Variants in CELF4 observed in about 807,000 individuals in gnomAD.
CELF4 encodes the protein CUG-BP- and ETR-3-like factor 4.
In CELF4, 18 loss-of-function variants were observed where a neutral mutation model predicts 59.9. The observed-to-expected ratio is 0.30, with a 90% CI of 0.21 to 0.45. The LOEUF (loss-of-function observed/expected upper bound fraction) is 0.45. CELF4 is among the 20% of genes least tolerant of loss of function. The pLI, the probability that CELF4 is intolerant of heterozygous loss-of-function variation, is 1.00. For synonymous variants in CELF4, 261 were observed against 267.1 expected, an observed-to-expected ratio of 0.98 and a Z score of 0.22; for missense variants, 456 against 689.0, an observed-to-expected ratio of 0.66 and a Z score of 3.79.
intron 3 of CELF4, among the ~76,000 whole-genome samples, chr18:37,289,486 G>A (rs973773185): frequency 2.6e-5 from 4 of 152,174 alleles, no homozygotes; most frequent in African/African-American, 9.7e-5. Flanking sequence ...GGAGCAGGTG[G>A]TCTGGGAGTG....
intron 2 of CELF4, among the ~76,000 whole-genome samples, chr18:37,346,628 G>C (rs962837326): frequency 6.6e-6 from 1 of 152,194 alleles, no homozygotes; most frequent in Non-Finnish European, 1.5e-5. Context: ...AGAAAGGGGT[G>C]CCCAGTTAAA....
At chr18:37,274,540 C>G in intron 5 of CELF4, 86 bp from the exon 6 acceptor site, 1 of 1,598,760 alleles carries the variant, frequency 6.3e-7, no homozygotes, top group Non-Finnish European at 8.5e-7. Flanking sequence ...CCCACCCCGC[C>G]CGCTCCTCGG....
chr18:37,346,198 G>A (rs941580466), intron 2 of CELF4, among the ~76,000 whole-genome samples: 5 of 152,264 alleles, frequency 3.3e-5, no homozygotes, highest in Middle Eastern at 3.4e-3. Flanking sequence ...CCTCCAACTG[G>A]CCTGCCCCAA....
chr18:37,534,509 T>G (rs535422774), intron 1 of CELF4, among the ~76,000 whole-genome samples: 2 of 152,296 alleles, frequency 1.3e-5, no homozygotes, highest in African/African-American at 4.8e-5. Context: ...CATTAACATC[T>G]GCTCCAAGCA....
rs115703057 is a variant in CELF4 at position 37,414,038 on chromosome 18, C to T, written c.369+71487G>A. The stretch of plus-strand genomic sequence containing the variant: ...GATCACCATCATCCTGTTCTAAGCA[C>T]TCTCAGTGTCAAGTCATTGACACTT... On this transcript the variant is annotated intron_variant, in intron 2 of 12. Transcript: ENST00000420428. Among the ~76,000 whole-genome samples, 812 of 152,340 alleles carry T rather than the reference C, an allele frequency of 5.3e-3. 9 individuals are homozygous for T. Among genetic ancestry groups the T allele is most frequent in the African/African-American group, 0.019 (774 of 41,578 alleles).
Position 37,510,914 on chromosome 18 carries a change from C to T in CELF4, c.287-25307G>A, listed in dbSNP as rs1187267455. Among the ~76,000 whole-genome samples, 5 of 152,306 alleles carry T rather than the reference C, an allele frequency of 3.3e-5. No individual in the cohort carries two copies. In the East Asian group the frequency reaches 7.7e-4, roughly 24 times the overall value. On this transcript the variant is annotated intron_variant, in intron 1 of 12. Coordinates refer to ENST00000420428, the MANE Select transcript of CELF4 (RefSeq NM_020180.4). ...GGTGGCCTTCTGGAGGCAGCTCTGCCTTCCTGGGTGGTCTGTTTTCTGTTC... is the reference window on the plus strand; with the variant it reads ...GGTGGCCTTCTGGAGGCAGCTCTGCTTTCCTGGGTGGTCTGTTTTCTGTTC...
At chr18:37,460,509 T>C (rs972173536) in intron 2 of CELF4, among the ~76,000 whole-genome samples, 1 of 152,210 alleles carries the variant, frequency 6.6e-6, no homozygotes, top group African/African-American at 2.4e-5. Context: ...CAGAATGGTC[T>C]GCAAGCAAAC....
intron 2 of CELF4, among the ~76,000 whole-genome samples, chr18:37,430,555 C>T (rs1263329214): frequency 6.6e-6 from 1 of 152,194 alleles, no homozygotes; most frequent in Non-Finnish European, 1.5e-5. Flanking sequence ...AAACCTAAAG[C>T]CAGGCACAAG....
chr18:37,359,940 C>T (rs1367432546), intron 2 of CELF4, among the ~76,000 whole-genome samples: 2 of 151,824 alleles, frequency 1.3e-5, no homozygotes, highest in Non-Finnish European at 2.9e-5. Flanking sequence ...ACCTCCACTT[C>T]CCCAGTTCAA....
chr18:37,262,745 A>C (rs868742256), intron 10 of CELF4, among the ~76,000 whole-genome samples: 1 of 152,054 alleles, frequency 6.6e-6, no homozygotes, highest in Admixed American at 6.5e-5. Context: ...GGACTCCTGG[A>C]CCCCACCCCT....
chr18:37,523,424 C>T (rs139173619), intron 1 of CELF4, among the ~76,000 whole-genome samples: 2 of 152,312 alleles, frequency 1.3e-5, no homozygotes, highest in African/African-American at 4.8e-5. Flanking sequence ...GCACCTGGTA[C>T]CTGCCATGTG....
At chr18:37,483,383 C>T (rs1453489779) in intron 2 of CELF4, among the ~76,000 whole-genome samples, 1 of 152,168 alleles carries the variant, frequency 6.6e-6, no homozygotes, top group Admixed American at 6.5e-5. Flanking sequence ...GGCGTGCCTG[C>T]CCCGAGAATT....
At chr18:37,357,457 G>A (rs931223921) in intron 2 of CELF4, among the ~76,000 whole-genome samples, 8 of 152,236 alleles carry the variant, frequency 5.3e-5, no homozygotes, top group Admixed American at 1.3e-4. Context: ...GTATGGAAAC[G>A]CGTGGATGCC....
At position 37,321,823 on chromosome 18, in the gene CELF4, C is replaced by A. The variant is rs544099278; in HGVS notation, c.428G>T (p.Cys143Phe). Reference protein sequence around the residue: ...ADSESRGGSSCLRQPPSQDRK... With the variant: ...ADSESRGGSSFLRQPPSQDRK... The stretch of plus-strand genomic sequence containing the variant: ...CTCACGTGAAGGGGGCTGGCGCAGG[C>A]AGCTACTACCTCCTCGGCTCTCGCT... Residue 143 changes from cysteine to phenylalanine, a missense_variant, in exon 3 of 13, where the codon TGC becomes TTC. By Grantham distance (205) the Cys-to-Phe change is radical. Coordinates refer to ENST00000420428, the MANE Select transcript of CELF4 (RefSeq NM_020180.4). 9.3e-6 allele frequency: 15 copies of A among 1,612,598 alleles called. No individual in the cohort carries two copies. The highest frequency in any genetic ancestry group is 1.7e-4 in the Middle Eastern group (1 of 6,040).
chr18:37,354,852 T>C (rs903317848), intron 2 of CELF4, among the ~76,000 whole-genome samples: 2 of 152,192 alleles, frequency 1.3e-5, no homozygotes, highest in Non-Finnish European at 2.9e-5. Flanking sequence ...TCAGATCATT[T>C]TGGTAATTCT....
chr18:37,464,980 A>T (rs1375302072), intron 2 of CELF4, among the ~76,000 whole-genome samples: 1 of 152,174 alleles, frequency 6.6e-6, no homozygotes, highest in Non-Finnish European at 1.5e-5. Context: ...GGATGCTGCC[A>T]TGTGCTGGAT....
intron 9 of CELF4, chr18:37,266,077 G>A (rs1175710843): frequency 8.5e-6 from 2 of 235,786 alleles, no homozygotes; most frequent in African/African-American, 2.3e-5. Context: ...AAGGGAATGG[G>A]GAAACGGCAT....
At chr18:37,270,705 G>A (rs1013660009) in intron 8 of CELF4, 63 bp downstream of exon 8, 1 of 1,585,872 alleles carries the variant, frequency 6.3e-7, no homozygotes, top group Middle Eastern at 1.7e-4. Flanking sequence ...AACAGCAAGG[G>A]CAGGGACAGC....
chr18:37,537,873 A>G (rs1470672292), intron 1 of CELF4, among the ~76,000 whole-genome samples: 2 of 152,052 alleles, frequency 1.3e-5, no homozygotes, highest in South Asian at 2.1e-4. Context: ...TTGGAGCCCT[A>G]CCCTCCACAT....
Sources: allele counts gnomAD v4.1 joint callset (sites outside exome capture counted in the v4.1 genomes callset), GRCh38; gene constraint gnomAD v4.1.1; transcripts MANE v1.5; gene names NCBI Gene and HGNC (gene_info 2026-07-23, HGNC 2026-07-21).